Variants in SELENOO observed in about 807,000 individuals in gnomAD.
SELENOO encodes the protein protein adenylyltransferase SelO, mitochondrial.
A neutral mutation model predicts 58.7 loss-of-function variants in SELENOO; 74 were observed. The ratio of observed to expected loss-of-function variants is 1.26; its 90% CI spans 1.04 to 1.53. SELENOO has a LOEUF of 1.53. Among genes scored for constraint, SELENOO ranks in the 40% most tolerant of loss-of-function variants. The pLI, the probability that SELENOO is intolerant of heterozygous loss-of-function variation, is 0.00. For missense variants in SELENOO, 1,149 were observed against 970.0 expected (o/e 1.18, Z -2.45); for synonymous variants, 543 against 453.2 (o/e 1.20, Z -2.52).
At chr22:50,206,742 A>C (rs890079471) in intron 2 of SELENOO, among the ~76,000 whole-genome samples, 18 of 152,192 alleles carry the variant, frequency 1.2e-4, no homozygotes, top group Non-Finnish European at 2.5e-4. Context: ...TTTGGTACTC[A>C]GTTAGGACAC....
chr22:50,206,074 G>A (rs1190528658), intron 1 of SELENOO: 4 of 578,478 alleles, frequency 6.9e-6, no homozygotes, highest in African/African-American at 5.6e-5. Context: ...ACGGGCTGCT[G>A]CGTGTGTTCA....
rs1361050921 is a variant in SELENOO, at chr22:50,201,333, A to G, written c.297A>G (p.Ser99=). ...GGCAGCCGCGCCTCGTGGCGCTGTC[A>G]GAGCCCGCGCTGGCGTTGCTGGGCC... The part of the protein sequence containing the change: ...PLRQPRLVAL[S]EPALALLGLG... Residue 99 remains serine, a synonymous_variant, in exon 1 of 9, where the codon TCA becomes TCG. Coordinates refer to ENST00000380903, the MANE Select transcript of SELENOO (RefSeq NM_031454.2). 8.6e-6 allele frequency: 10 copies of G among 1,161,038 alleles called. No homozygotes were observed. The highest frequency in any genetic ancestry group is 6.4e-6 in the Non-Finnish European group (6 of 944,656). The allele number at this position is 1,161,038 out of a possible 1,614,324, so 71.9% of individuals were successfully genotyped here.
At chr22:50,201,700 T>G in intron 1 of SELENOO, 110 bp downstream of exon 1, 1 of 780,644 alleles carries the variant, frequency 1.3e-6, no homozygotes, top group Non-Finnish European at 1.7e-6. Context: ...AAGTGGGGCC[T>G]CCCCTGCACC....
In SELENOO at chr22:50,201,256, C is replaced by T; in HGVS notation, c.220C>T (p.Pro74Ser). 1 of 1,073,006 alleles carries T rather than the reference C, an allele frequency of 9.3e-7. No individual in the cohort carries two copies. Among genetic ancestry groups the T allele is most frequent in the Non-Finnish European group, 1.1e-6 (1 of 889,844 alleles). The allele number at this position is 1,073,006 out of a possible 1,614,324, so 66.5% of individuals were successfully genotyped here. A position where few individuals can be genotyped will look rare whatever the true frequency, so the allele number is the denominator to read the frequency against. Residue 74 changes from proline (P) to serine (S), a missense_variant, in exon 1 of 9, where the codon CCG (proline) becomes TCG (serine). Transcript: ENST00000380903. ...CGGTCCCGAGGGCGCCCCGTCCGCG[C>T]CGCGGCCCGTGCCCGGGGCCTGCTT... ...PPGPEGAPSA[P>S]RPVPGACFTR...
intron 5 of SELENOO, 109 bp downstream of exon 5, chr22:50,211,020 C>T (rs753009560): frequency 5.6e-5 from 66 of 1,184,948 alleles, no homozygotes; most frequent in Non-Finnish European, 7.8e-5. Flanking sequence ...TCCCTGGGCC[C>T]ACCCCAGCCC....
At chr22:50,204,318 A>G (rs1441902540) in intron 1 of SELENOO, among the ~76,000 whole-genome samples, 1 of 152,110 alleles carries the variant, frequency 6.6e-6, no homozygotes, top group Non-Finnish European at 1.5e-5. Flanking sequence ...GCGACAGGGC[A>G]AGACTGTCTC....
chr22:50,208,770 C>T, intron 3 of SELENOO, 54 bp downstream of exon 3: 43 of 1,550,060 alleles, frequency 2.8e-5, no homozygotes, highest in Non-Finnish European at 3.6e-5. Flanking sequence ...GTGTCCCCAC[C>T]TGTGTTGAAG....
chr22:50,216,235 C>T (rs113451693), intron 6 of SELENOO, among the ~76,000 whole-genome samples: 90 of 152,310 alleles, frequency 5.9e-4, no homozygotes, highest in African/African-American at 2.0e-3. Context: ...CAGGATGAGA[C>T]GTGGAAAATA....
At chr22:50,216,609 G>C in intron 6 of SELENOO, 82 bp from the exon 7 acceptor site, 2 of 1,316,466 alleles carry the variant, frequency 1.5e-6, no homozygotes, top group South Asian at 2.7e-5. Flanking sequence ...CCGTGAGAGC[G>C]GGCTGGGGCA....
At chr22:50,204,136 T>C (rs77057707) in intron 1 of SELENOO, among the ~76,000 whole-genome samples, 2,443 of 152,290 alleles carry the variant, frequency 0.016, 52 homozygotes, top group East Asian at 0.075. Context: ...AAAACTACAG[T>C]GGGACAGCAC....
At chr22:50,216,632 GC>G in intron 6 of SELENOO, 58 bp from the exon 7 acceptor site, 1 of 1,473,754 alleles carries the variant, frequency 6.8e-7, no homozygotes, top group East Asian at 2.5e-5. Context: ...CGGAGCAGCT[GC>G]CTGCAGGGCA....
chr22:50,217,346 C>T lies in SELENOO; in HGVS notation c.1987C>T (p.Leu663=), dbSNP rs748691565. The T allele has an allele frequency of 1.9e-6, 3 of 1,612,890 alleles. No individual in the cohort carries two copies. In the East Asian group the frequency reaches 6.7e-5, roughly 36 times the overall value. ...TAAGCCCCCGCTCTGGGCAGCAGAA[C>T]TGTGCGTGACATGATCTTCGTAACG... ...SSKPPLWAAE[L]CVTUSS The change falls in exon 9 of 9, where the codon CTG becomes TTG. Residue 663 remains leucine, a synonymous_variant. Transcript: ENST00000380903.
intron 2 of SELENOO, among the ~76,000 whole-genome samples, chr22:50,207,280 C>T (rs930309211): frequency 6.6e-6 from 1 of 152,078 alleles, no homozygotes; most frequent in Non-Finnish European, 1.5e-5. Flanking sequence ...TGCGCCACCA[C>T]GTCCAGCTAA....
At chr22:50,209,177 C>T in intron 3 of SELENOO, 1 of 155,660 alleles carries the variant, frequency 6.4e-6, no homozygotes, top group Non-Finnish European at 1.4e-5. Flanking sequence ...TGTCACAGGG[C>T]ATTCAGCACA....
chr22:50,215,640 G>T, intron 5 of SELENOO, 77 bp from the exon 6 acceptor site: 2 of 832,912 alleles, frequency 2.4e-6, no homozygotes, highest in East Asian at 3.6e-5. Context: ...GGGGGTGGGG[G>T]GGGGGGGGTC....
chr22:50,206,417 T>C lies in SELENOO; in HGVS notation c.655T>C (p.Cys219Arg). The C allele has an allele frequency of 1.2e-6, 2 of 1,614,166 alleles. No homozygotes were observed. The highest frequency in any genetic ancestry group is 1.7e-6 in the Non-Finnish European group (2 of 1,180,024). ...LGVPTTRAGA[C>R]VTSESTVVRD... Reference sequence around the variant, plus strand: ...AGTCCCCACCACACGGGCCGGCGCCTGCGTCACGTCCGAGTCCACGGTGGT... The same window carrying C: ...AGTCCCCACCACACGGGCCGGCGCCCGCGTCACGTCCGAGTCCACGGTGGT... The change falls in exon 2 of 9, where the codon TGC (cysteine) becomes CGC (arginine). Residue 219 changes from cysteine to arginine, a missense_variant. Physicochemically the swap from Cys to Arg is radical, Grantham distance 180. Transcript: ENST00000380903.
At position 50,217,448 on chromosome 22, in the gene SELENOO, G is replaced by A. The variant is rs2064430936; in HGVS notation, c.*79G>A. On this transcript the variant is annotated 3_prime_UTR_variant, in exon 9 of 9. Coordinates refer to ENST00000380903, the MANE Select transcript of SELENOO (RefSeq NM_031454.2). ...TGAGTGGCCAAGATGATGCCAGGCT[G>A]CCCTATACACTGGGGGATTCTGCCC... The A allele has an allele frequency of 2.6e-6, 4 of 1,519,888 alleles. No homozygotes were observed. Among genetic ancestry groups the A allele is most frequent in the Admixed American group, 2.1e-5 (1 of 47,008 alleles). 94.2% of individuals were successfully genotyped at this position (1,519,888 alleles called of 1,614,324 possible).
In SELENOO at chr22:50,217,208, C is replaced by G; in HGVS notation, c.1849C>G (p.Arg617Gly). 1.2e-6 allele frequency: 2 copies of G among 1,610,426 alleles called. No individual in the cohort carries two copies. The highest frequency in any genetic ancestry group is 1.7e-6 in the Non-Finnish European group (2 of 1,178,246). The change falls in exon 9 of 9, where the codon CGG becomes GGG. Residue 617 changes from arginine to glycine, a missense_variant. Coordinates refer to ENST00000380903, the MANE Select transcript of SELENOO (RefSeq NM_031454.2). ...TCTCACCCTCCTGATCCTCCAGGTG[C>G]GGCGGGTGCTGAAACTACTGGAGAC... ...AAERGDFSEV[R>G]RVLKLLETPY... is the part of the protein sequence containing the mutation.
chr22:50,213,121 C>A (rs1020617147), intron 5 of SELENOO, among the ~76,000 whole-genome samples: 17 of 152,182 alleles, frequency 1.1e-4, no homozygotes, highest in African/African-American at 4.1e-4. Flanking sequence ...AGTGCAGTGG[C>A]ATGATCTTGG....
Sources: gnomAD v4.1 joint callset for allele counts (sites outside exome capture counted in the v4.1 genomes callset) on GRCh38, gnomAD v4.1.1 for gene constraint, MANE v1.5 for transcripts, NCBI Gene and HGNC (gene_info 2026-07-23, HGNC 2026-07-21) for gene names.